The following NRXN3 variants were observed in gnomAD, a reference collection of about 807,000 sequenced individuals.
NRXN3 encodes neurexin III.
In NRXN3, 32 loss-of-function variants were observed where a neutral mutation model predicts 137.6. That is an observed-to-expected ratio of 0.23 (90% confidence interval 0.18 to 0.31). The LOEUF is 0.31. Among genes scored for constraint, NRXN3 ranks in the 10% least tolerant of loss-of-function variants. The pLI is 1.00. For missense variants in NRXN3, 1,574 were observed against 2,062.5 expected (o/e 0.76, Z 4.59); for synonymous variants, 798 against 784.5 (o/e 1.02, Z -0.29).
chr14:79,743,908 A>C (rs190936031), intron 19 of NRXN3, among the ~76,000 whole-genome samples: 1 of 152,346 alleles, frequency 6.6e-6, no homozygotes, highest in East Asian at 1.9e-4. Context: ...GCATATGTAT[A>C]ATACACATAT....
intron 4 of NRXN3, among the ~76,000 whole-genome samples, chr14:78,434,336 T>G (rs1287488312): frequency 6.6e-6 from 1 of 152,148 alleles, no homozygotes; most frequent in East Asian, 1.9e-4. Context: ...GGCTTGTAGA[T>G]AGATGACTGT....
intron 16 of NRXN3, among the ~76,000 whole-genome samples, chr14:79,648,782 GT>G (rs1265148754): frequency 6.6e-6 from 1 of 152,092 alleles, no homozygotes; most frequent in African/African-American, 2.4e-5. Flanking sequence ...ACTTGTTTCT[GT>G]GCTTTCTCTG....
chr14:79,666,605 A>G (rs1013587498), intron 17 of NRXN3, among the ~76,000 whole-genome samples: 1 of 152,032 alleles, frequency 6.6e-6, no homozygotes, highest in African/African-American at 2.4e-5. Context: ...TCTGTTTCCA[A>G]TTGGGCAGTT....
chr14:78,645,649 AAAC>A (rs1037739482), intron 5 of NRXN3, among the ~76,000 whole-genome samples: 2 of 152,096 alleles, frequency 1.3e-5, no homozygotes, highest in Non-Finnish European at 2.9e-5. Flanking sequence ...AGAAAAAAAA[AAAC>A]AACTCAGTTG....
chr14:78,200,834 G>A (rs2061610366), intron 1 of NRXN3, among the ~76,000 whole-genome samples: 1 of 152,200 alleles, frequency 6.6e-6, no homozygotes, highest in South Asian at 2.1e-4. Flanking sequence ...TTCAGTGGGA[G>A]ATCTATTGTT....
intron 15 of NRXN3, among the ~76,000 whole-genome samples, chr14:79,117,685 GAAAA>G (rs112906895): frequency 0.029 from 4,332 of 151,816 alleles, 202 homozygotes; most frequent in African/African-American, 0.099. Context: ...AAAAAGAAAA[GAAAA>G]AAAAGCATTT....
At chr14:78,351,483 C>T (rs1253452138) in intron 4 of NRXN3, among the ~76,000 whole-genome samples, 1 of 152,190 alleles carries the variant, frequency 6.6e-6, no homozygotes, top group East Asian at 1.9e-4. Context: ...TCTTCTCCAA[C>T]ACTTGCTATT....
intron 10 of NRXN3, among the ~76,000 whole-genome samples, chr14:78,927,128 C>G (rs1266909685): frequency 8.0e-6 from 1 of 124,288 alleles, no homozygotes; most frequent in African/African-American, 3.3e-5. Flanking sequence ...GCACTCCGGC[C>G]TAAGTGTTGG....
intron 16 of NRXN3, among the ~76,000 whole-genome samples, chr14:79,504,641 TTATATATATATATGTATA>T (rs1220838369): frequency 5.1e-5 from 5 of 97,876 alleles, no homozygotes; most frequent in Non-Finnish European, 2.2e-5. Context: ...ATGAAGTTTT[TTATATATATATATGTATA>T]TATATATATA....
At chr14:78,832,001 G>A (rs2098983750) in intron 10 of NRXN3, among the ~76,000 whole-genome samples, 1 of 152,072 alleles carries the variant, frequency 6.6e-6, no homozygotes, top group South Asian at 2.1e-4. Flanking sequence ...TGGGGTAAAA[G>A]AGGAGGACAA....
chr14:78,230,633 A>G (rs975080504), intron 1 of NRXN3, among the ~76,000 whole-genome samples: 1 of 152,126 alleles, frequency 6.6e-6, no homozygotes, highest in East Asian at 1.9e-4. Flanking sequence ...GAAGAAGGGC[A>G]TTTCAGGCAG....
At chr14:78,627,056 C>T (rs1347081327) in intron 4 of NRXN3, among the ~76,000 whole-genome samples, 1 of 150,674 alleles carries the variant, frequency 6.6e-6, no homozygotes, top group Non-Finnish European at 1.5e-5. Flanking sequence ...ACTCTCTTAG[C>T]TTTTTTGTTT....
chr14:79,860,951 T>C (rs1472769129), intron 20 of NRXN3: 2 of 767,194 alleles, frequency 2.6e-6, no homozygotes, highest in Non-Finnish European at 3.8e-6. Context: ...TTATTATAAT[T>C]TCTGAGGCAT....
intron 16 of NRXN3, among the ~76,000 whole-genome samples, chr14:79,606,259 A>T (rs2098014876): frequency 6.6e-6 from 1 of 152,304 alleles, no homozygotes; most frequent in Non-Finnish European, 1.5e-5. Flanking sequence ...TAAATAAACA[A>T]CAAACCAACC....
At chr14:79,348,661 G>A (rs746360683) in intron 15 of NRXN3, among the ~76,000 whole-genome samples, 2 of 152,174 alleles carry the variant, frequency 1.3e-5, no homozygotes, top group African/African-American at 2.4e-5. Flanking sequence ...ACAGGCGTAA[G>A]CCACCGCGCC....
At chr14:79,550,897 A>G (rs1052100954) in intron 16 of NRXN3, among the ~76,000 whole-genome samples, 1 of 152,228 alleles carries the variant, frequency 6.6e-6, no homozygotes, top group African/African-American at 2.4e-5. Flanking sequence ...TTAAAATTAT[A>G]CATGGTATGA....
At chr14:79,797,603 A>G (rs2099164771) in intron 19 of NRXN3, among the ~76,000 whole-genome samples, 1 of 152,148 alleles carries the variant, frequency 6.6e-6, no homozygotes, top group Non-Finnish European at 1.5e-5. Context: ...GTGGCTTTCA[A>G]AGGTAACTAT....
chr14:78,443,975 C>G (rs2094337029), intron 4 of NRXN3, among the ~76,000 whole-genome samples: 1 of 152,170 alleles, frequency 6.6e-6, no homozygotes, highest in Non-Finnish European at 1.5e-5. Flanking sequence ...GACTTTTTCA[C>G]CAACCTAATA....
chr14:78,220,639 G>A (rs1483435830), intron 1 of NRXN3, among the ~76,000 whole-genome samples: 5 of 152,130 alleles, frequency 3.3e-5, no homozygotes, highest in African/African-American at 1.2e-4. Flanking sequence ...TTCTTTTAAG[G>A]TAACTGGCAT....
Sources: allele counts gnomAD v4.1 joint callset (sites outside exome capture counted in the v4.1 genomes callset), GRCh38; gene constraint gnomAD v4.1.1; transcripts MANE v1.5; gene names NCBI Gene and HGNC (gene_info 2026-07-23, HGNC 2026-07-21).